Variants in MAD1L1 observed in about 807,000 individuals in gnomAD.
MAD1L1 encodes the protein mitotic arrest deficient 1 like 1.
A neutral mutation model predicts 96.9 loss-of-function variants in MAD1L1; 95 were observed. The ratio of observed to expected loss-of-function variants is 0.98; its 90% CI spans 0.83 to 1.16. The LOEUF (loss-of-function observed/expected upper bound fraction) is 1.16, where lower values mean the gene tolerates loss of function less well. Among genes scored for constraint, MAD1L1 ranks in the 50% most tolerant of loss-of-function variants. The probability of loss-of-function intolerance (pLI) is 0.00; values close to 1 mark genes in which losing one functional copy is unlikely to be tolerated. For synonymous variants in MAD1L1, 473 were observed against 396.6 expected (o/e 1.19, Z -2.29); for missense variants, 1,007 against 954.4 (o/e 1.06, Z -0.73).
chr7:1,944,671 C>T (rs1388750249), intron 16 of MAD1L1, among the ~76,000 whole-genome samples: 1 of 152,208 alleles, frequency 6.6e-6, no homozygotes, highest in African/African-American at 2.4e-5. Context: ...GACCCTCCTC[C>T]TCCACAGCCG....
At chr7:1,935,460 G>A (rs1229106300) in intron 17 of MAD1L1, among the ~76,000 whole-genome samples, 1 of 152,186 alleles carries the variant, frequency 6.6e-6, no homozygotes, top group Non-Finnish European at 1.5e-5. Flanking sequence ...CCACCCGCTA[G>A]CCAGCCACTA....
intron 14 of MAD1L1, among the ~76,000 whole-genome samples, chr7:2,001,630 C>T (rs1781797479): frequency 6.6e-6 from 1 of 152,250 alleles, no homozygotes; most frequent in Non-Finnish European, 1.5e-5. Context: ...GGTCAGGACC[C>T]ATGCTGAGTG....
At chr7:2,207,365 G>A (rs1476567365) in intron 10 of MAD1L1, among the ~76,000 whole-genome samples, 1 of 152,156 alleles carries the variant, frequency 6.6e-6, no homozygotes, top group African/African-American at 2.4e-5. Flanking sequence ...CAGATAGGGT[G>A]GTTATCCGAA....
intron 15 of MAD1L1, among the ~76,000 whole-genome samples, chr7:1,966,071 C>T (rs1027532959): frequency 1.3e-5 from 2 of 152,230 alleles, no homozygotes; most frequent in Non-Finnish European, 2.9e-5. Context: ...TCCACACTGG[C>T]CTCTGAAGCT....
At chr7:1,905,602 C>T (rs1787579184) in intron 17 of MAD1L1, among the ~76,000 whole-genome samples, 1 of 152,250 alleles carries the variant, frequency 6.6e-6, no homozygotes, top group Non-Finnish European at 1.5e-5. Context: ...ACGCAGTAGC[C>T]TATGGAAGAT....
chr7:2,033,245 C>T (rs1345818758), intron 12 of MAD1L1, among the ~76,000 whole-genome samples: 4 of 152,196 alleles, frequency 2.6e-5, no homozygotes, highest in Non-Finnish European at 4.4e-5. Context: ...TAACGCACCC[C>T]GGGGGCACAG....
intron 10 of MAD1L1, among the ~76,000 whole-genome samples, chr7:2,160,932 C>T (rs1249807889): frequency 6.6e-6 from 1 of 152,162 alleles, no homozygotes; most frequent in African/African-American, 2.4e-5. Flanking sequence ...ATAATTCCCA[C>T]AACAAATTAA....
At chr7:1,982,843 T>G (rs1780969470) in intron 14 of MAD1L1, among the ~76,000 whole-genome samples, 1 of 152,200 alleles carries the variant, frequency 6.6e-6, no homozygotes, top group Non-Finnish European at 1.5e-5. Flanking sequence ...TTTTTTCAAA[T>G]AGGTATTTTC....
intron 15 of MAD1L1, among the ~76,000 whole-genome samples, chr7:1,972,554 G>T (rs923762143): frequency 6.6e-6 from 1 of 151,474 alleles, no homozygotes; most frequent in Non-Finnish European, 1.5e-5. Flanking sequence ...GATTTTGGTG[G>T]TGTCTTTTTA....
chr7:2,064,989 CAGGAGGACAGTGGCTGATCAT>C (rs1784819479), intron 12 of MAD1L1, among the ~76,000 whole-genome samples: 3 of 151,810 alleles, frequency 2.0e-5, no homozygotes, highest in Admixed American at 1.3e-4. Context: ...TGGCTTCTTC[CAGGAGGACAGTGGCTGATCAT>C]AGGAGGACAG....
At chr7:2,218,183 C>T (rs1021698690) in intron 6 of MAD1L1, 140 bp from the exon 7 acceptor site, 4 of 630,586 alleles carry the variant, frequency 6.3e-6, no homozygotes, top group East Asian at 5.7e-5. Context: ...ACGGCACAGA[C>T]CCCCCGCCCC....
At chr7:1,867,648 C>T (rs901521869) in intron 18 of MAD1L1, among the ~76,000 whole-genome samples, 10 of 152,214 alleles carry the variant, frequency 6.6e-5, no homozygotes, top group South Asian at 2.1e-4. Flanking sequence ...CAGGAACCTG[C>T]GCCTGAGGCC....
rs1047704289 is a variant in MAD1L1, at chr7:1,857,319, C to T, written c.1998+40881G>A. ...ACTCAGTGCTCAGGGCCCCTGAAACCCGCCTTTGCTGTGCTCGGGGGGCGG... is the reference window on the plus strand; with the variant it reads ...ACTCAGTGCTCAGGGCCCCTGAAACTCGCCTTTGCTGTGCTCGGGGGGCGG... On this transcript the variant is annotated intron_variant, in intron 18 of 18. Coordinates refer to ENST00000265854, the MANE Select transcript of MAD1L1 (RefSeq NM_001013836.2). 4.7e-4 allele frequency among the ~76,000 whole-genome samples: 71 copies of T among 152,310 alleles called. 1 individual carries two copies. The highest frequency in any genetic ancestry group is 1.7e-3 in the African/African-American group (71 of 41,572).
intron 15 of MAD1L1, among the ~76,000 whole-genome samples, chr7:1,972,207 G>A (rs182292746): frequency 5.3e-5 from 8 of 152,234 alleles, no homozygotes; most frequent in South Asian, 2.1e-4. Context: ...GGCTCGCCCC[G>A]CTGTCCTTTT....
At chr7:2,067,347 G>T (rs1223935031) in intron 12 of MAD1L1, among the ~76,000 whole-genome samples, 1 of 152,108 alleles carries the variant, frequency 6.6e-6, no homozygotes, top group Non-Finnish European at 1.5e-5. Context: ...CTGAGACCCA[G>T]AGAGAATGAG....
intron 10 of MAD1L1, among the ~76,000 whole-genome samples, chr7:2,166,312 T>C (rs1790424752): frequency 1.3e-5 from 2 of 152,134 alleles, no homozygotes; most frequent in African/African-American, 4.8e-5. Context: ...GTAAATAAAA[T>C]GAAGAAATGC....
intron 11 of MAD1L1, among the ~76,000 whole-genome samples, chr7:2,071,214 T>C (rs975673975): frequency 2.8e-5 from 4 of 141,876 alleles, no homozygotes; most frequent in Admixed American, 6.9e-5. Flanking sequence ...TGTAACTTAG[T>C]AGAAGTCTTG....
chr7:2,019,169 T>C (rs1215412392), intron 12 of MAD1L1, among the ~76,000 whole-genome samples: 1 of 151,798 alleles, frequency 6.6e-6, no homozygotes, highest in African/African-American at 2.4e-5. Context: ...CTCTGCCCAC[T>C]CTTTCCCCAG....
At chr7:1,908,552 T>C (rs1667768387) in intron 17 of MAD1L1, among the ~76,000 whole-genome samples, 1 of 152,070 alleles carries the variant, frequency 6.6e-6, no homozygotes, top group Non-Finnish European at 1.5e-5. Flanking sequence ...TGGGCTAATA[T>C]ATATATTTTT....
Sources: allele counts gnomAD v4.1 joint callset (sites outside exome capture counted in the v4.1 genomes callset), GRCh38; gene constraint gnomAD v4.1.1; transcripts MANE v1.5; gene names NCBI Gene and HGNC (gene_info 2026-07-23, HGNC 2026-07-21).